Variants in RPH3A observed in about 807,000 individuals in gnomAD.
RPH3A encodes rabphilin-3A.
Under a neutral mutation model 102.2 loss-of-function variants are expected in RPH3A, and 48 were observed. The ratio of observed to expected loss-of-function variants is 0.47; its 90% CI spans 0.37 to 0.60. RPH3A has a LOEUF of 0.60. Among genes scored for constraint, RPH3A ranks in the 20% least tolerant of loss-of-function variants. The pLI is 0.00. For missense variants in RPH3A, 781 were observed against 910.1 expected (o/e 0.86, Z 1.83); for synonymous variants, 310 against 324.3 (o/e 0.96, Z 0.47).
At chr12:112,777,432 T>C (rs1282519981) in intron 1 of RPH3A, among the ~76,000 whole-genome samples, 8 of 152,210 alleles carry the variant, frequency 5.3e-5, no homozygotes. Context: ...AAAACTTCCT[T>C]GATTTTGTGA....
chr12:112,768,903 C>T (rs572942334), intron 1 of RPH3A, among the ~76,000 whole-genome samples: 2 of 152,232 alleles, frequency 1.3e-5, no homozygotes, highest in Admixed American at 6.5e-5. Context: ...CAAAGCAAGA[C>T]CCCGTCTCAA....
chr12:112,614,692 A>G (rs1460762408), intron 1 of RPH3A, among the ~76,000 whole-genome samples: 1 of 145,052 alleles, frequency 6.9e-6, no homozygotes, highest in Non-Finnish European at 1.5e-5. Context: ...CTGCCTCAAA[A>G]AAAAAAAAAA....
At chr12:112,591,066 C>T (rs1247138336) in intron 1 of RPH3A, among the ~76,000 whole-genome samples, 1 of 152,160 alleles carries the variant, frequency 6.6e-6, no homozygotes, top group Non-Finnish European at 1.5e-5. Flanking sequence ...GATCCTCCCA[C>T]CTCAGCCTCC....
intron 7 of RPH3A, among the ~76,000 whole-genome samples, chr12:112,867,080 C>A (rs2042624074): frequency 6.6e-6 from 1 of 152,046 alleles, no homozygotes; most frequent in Non-Finnish European, 1.5e-5. Context: ...TTCTTTGACC[C>A]CATTTCTCAC....
chr12:112,737,056 G>T, intron 1 of RPH3A, among the ~76,000 whole-genome samples: 1 of 151,504 alleles, frequency 6.6e-6, no homozygotes, highest in Non-Finnish European at 1.5e-5. Context: ...TCAGGAGGCT[G>T]AGGTGGAAGG....
At chr12:112,670,009 T>C (rs1219806379) in intron 1 of RPH3A, among the ~76,000 whole-genome samples, 1 of 152,222 alleles carries the variant, frequency 6.6e-6, no homozygotes, top group Non-Finnish European at 1.5e-5. Flanking sequence ...CCATGTTTGA[T>C]ATATATTTTT....
chr12:112,871,393 G>C (rs1593109657), intron 10 of RPH3A, among the ~76,000 whole-genome samples: 1 of 152,058 alleles, frequency 6.6e-6, no homozygotes, highest in African/African-American at 2.4e-5. Context: ...TTTTGATTCT[G>C]TATCTGTGGT....
At chr12:112,776,358 A>G (rs1565877425) in intron 1 of RPH3A, among the ~76,000 whole-genome samples, 1 of 152,152 alleles carries the variant, frequency 6.6e-6, no homozygotes, top group East Asian at 1.9e-4. Context: ...TCACTAGTCT[A>G]TAGGTTGGCT....
intron 1 of RPH3A, among the ~76,000 whole-genome samples, chr12:112,653,608 T>C (rs2039991723): frequency 6.6e-6 from 1 of 152,142 alleles, no homozygotes. Flanking sequence ...ATTAGCTTAT[T>C]ATAACCTTTT....
intron 7 of RPH3A, among the ~76,000 whole-genome samples, chr12:112,867,986 G>T (rs973049408): frequency 6.6e-6 from 1 of 152,192 alleles, no homozygotes; most frequent in Non-Finnish European, 1.5e-5. Context: ...ACCGTCCTAG[G>T]TGTGCTGCTC....
intron 1 of RPH3A, among the ~76,000 whole-genome samples, chr12:112,581,611 G>A (rs1440413439): frequency 2.0e-5 from 3 of 152,296 alleles, no homozygotes; most frequent in African/African-American, 7.2e-5. Flanking sequence ...TGTTTCCCAA[G>A]CTGGTCTTGA....
At chr12:112,814,119 G>A (rs2136126263) in intron 2 of RPH3A, among the ~76,000 whole-genome samples, 1 of 151,850 alleles carries the variant, frequency 6.6e-6, no homozygotes, top group Non-Finnish European at 1.5e-5. Flanking sequence ...GAGTGTGGGT[G>A]GGGATGTGAG....
intron 5 of RPH3A, among the ~76,000 whole-genome samples, chr12:112,861,104 C>T (rs555450006): frequency 6.6e-6 from 1 of 152,088 alleles, no homozygotes; most frequent in South Asian, 2.1e-4. Flanking sequence ...TGTGGTAACC[C>T]CTCAAATTCT....
chr12:112,590,208 T>C (rs1187806508), intron 1 of RPH3A, among the ~76,000 whole-genome samples: 1 of 152,174 alleles, frequency 6.6e-6, no homozygotes, highest in Non-Finnish European at 1.5e-5. Context: ...TACCCATTAG[T>C]GCTGAGAAAA....
At chr12:112,743,893 A>C (rs1209088012) in intron 1 of RPH3A, among the ~76,000 whole-genome samples, 3 of 152,168 alleles carry the variant, frequency 2.0e-5, no homozygotes. Flanking sequence ...ATTTGCCTCC[A>C]TCAACACTTT....
At chr12:112,666,825 A>G (rs566507866) in intron 1 of RPH3A, among the ~76,000 whole-genome samples, 2 of 152,062 alleles carry the variant, frequency 1.3e-5, no homozygotes, top group Non-Finnish European at 2.9e-5. Flanking sequence ...CTGGAGCCCA[A>G]CTCTTAATGT....
intron 1 of RPH3A, among the ~76,000 whole-genome samples, chr12:112,734,010 C>T (rs1426753579): frequency 6.6e-6 from 1 of 152,140 alleles, no homozygotes; most frequent in Admixed American, 6.5e-5. Context: ...CTCTACACAG[C>T]TCTTTGAATT....
chr12:112,841,497 C>A (rs1165448106), intron 4 of RPH3A, among the ~76,000 whole-genome samples: 1 of 151,958 alleles, frequency 6.6e-6, no homozygotes, highest in Non-Finnish European at 1.5e-5. Flanking sequence ...TTGGTACACT[C>A]GAGAGGAGAA....
chr12:112,892,267 A>C (rs1216709406), intron 19 of RPH3A, among the ~76,000 whole-genome samples: 1 of 152,150 alleles, frequency 6.6e-6, no homozygotes, highest in African/African-American at 2.4e-5. Context: ...ATACTGTAAT[A>C]CTGTATATTA....
Sources: allele counts gnomAD v4.1 joint callset (sites outside exome capture counted in the v4.1 genomes callset), GRCh38; gene constraint gnomAD v4.1.1; transcripts MANE v1.5; gene names NCBI Gene and HGNC (gene_info 2026-07-23, HGNC 2026-07-21).